The following CACNG2 variants were observed in gnomAD, a reference collection of about 807,000 sequenced individuals.
The protein encoded by CACNG2 is calcium voltage-gated channel auxiliary subunit gamma 2.
CACNG2 carries 3 observed loss-of-function variants against 25.9 expected under a neutral mutation model. That is an observed-to-expected ratio of 0.12 (90% CI 0.05 to 0.30). The LOEUF is 0.30. Ranked by LOEUF, CACNG2 falls within the 10% of genes least tolerant of loss-of-function variation. The pLI, the probability that CACNG2 is intolerant of heterozygous loss-of-function variation, is 1.00. For missense variants in CACNG2, 341 were observed against 432.5 expected (o/e 0.79, Z 1.88); for synonymous variants, 167 against 173.3 (o/e 0.96, Z 0.29).
chr22:36,679,187 TTC>T (rs1569049823), intron 1 of CACNG2, among the ~76,000 whole-genome samples: 63 of 95,892 alleles, frequency 6.6e-4, no homozygotes, highest in East Asian at 3.1e-3. Context: ...CCTTCCTTCC[TTC>T]CTTCCTTCCT....
intron 1 of CACNG2, among the ~76,000 whole-genome samples, chr22:36,595,969 A>G (rs956372734): frequency 3.3e-5 from 5 of 152,246 alleles, no homozygotes; most frequent in African/African-American, 1.2e-4. Context: ...AGGTTTCATC[A>G]GCTTTGTAAA....
chr22:36,600,955 A>G (rs1052956786), intron 1 of CACNG2, among the ~76,000 whole-genome samples: 1 of 152,194 alleles, frequency 6.6e-6, no homozygotes, highest in African/African-American at 2.4e-5. Flanking sequence ...AAAAACTAAC[A>G]CATCCATCAT....
intron 1 of CACNG2, among the ~76,000 whole-genome samples, chr22:36,595,584 C>T (rs1355989565): frequency 6.6e-6 from 1 of 152,082 alleles, no homozygotes; most frequent in Non-Finnish European, 1.5e-5. Flanking sequence ...AAGGACTGGT[C>T]CCATCAGAGG....
At chr22:36,613,922 G>A (rs776150292) in intron 1 of CACNG2, among the ~76,000 whole-genome samples, 4 of 151,748 alleles carry the variant, frequency 2.6e-5, no homozygotes, top group Non-Finnish European at 4.4e-5. Context: ...CCAGCAAATC[G>A]CCAATTCTTT....
chr22:36,632,788 CT>C (rs1290528945), intron 1 of CACNG2, among the ~76,000 whole-genome samples: 1 of 152,134 alleles, frequency 6.6e-6, no homozygotes, highest in African/African-American at 2.4e-5. Context: ...AGACCCCTAA[CT>C]GGTGGAGTGC....
rs1018310502 is a variant in CACNG2 at position 36,563,273 on chromosome 22, G to A, written c.*1078C>T. ...AATGAACCCCCTTCCCAGGGGACTG[G>A]GGGGCTTATGAGTCAGGGGGTCCAC... On this transcript the variant is annotated 3_prime_UTR_variant, in exon 4 of 4. Transcript: ENST00000300105. Among the ~76,000 whole-genome samples the A allele has an allele frequency of 6.6e-6, 1 of 152,104 alleles. No homozygotes were observed. The highest frequency in any genetic ancestry group is 2.1e-4 in the South Asian group (1 of 4,834).
chr22:36,632,723 C>T (rs914465524), intron 1 of CACNG2, among the ~76,000 whole-genome samples: 1 of 152,104 alleles, frequency 6.6e-6, no homozygotes, highest in African/African-American at 2.4e-5. Flanking sequence ...TGGTTCTCTT[C>T]CTACCTCACT....
At chr22:36,660,910 T>C (rs56992833) in intron 1 of CACNG2, among the ~76,000 whole-genome samples, 8,101 of 152,298 alleles carry the variant, frequency 0.053, 743 homozygotes, top group African/African-American at 0.18. Context: ...AGTTTCCTCA[T>C]GTGAAAAATG....
Position 36,667,289 on chromosome 22 carries a change from A to G in CACNG2, c.211+35077T>C, listed in dbSNP as rs532494123. On this transcript the variant is annotated intron_variant, in intron 1 of 3. Transcript: ENST00000300105. Reference sequence around the variant, plus strand: ...TTAAGACTCAGCTCCCACCTTGGAGAGAACTTTCCTCACCGTTGTCCACCC... The same window carrying G: ...TTAAGACTCAGCTCCCACCTTGGAGGGAACTTTCCTCACCGTTGTCCACCC... 4.6e-5 allele frequency among the ~76,000 whole-genome samples: 7 copies of G among 152,266 alleles called. No individual in the cohort carries two copies. In the East Asian group the frequency reaches 1.4e-3, roughly 29 times the overall value.
At chr22:36,645,560 A>C (rs1396474754) in intron 1 of CACNG2, among the ~76,000 whole-genome samples, 1 of 108,776 alleles carries the variant, frequency 9.2e-6, no homozygotes, top group Non-Finnish European at 1.9e-5. Flanking sequence ...AAAAAAAAAA[A>C]AAAAAAGAAA....
chr22:36,623,870 GAA>G (rs1936144355), intron 1 of CACNG2, among the ~76,000 whole-genome samples: 1 of 152,142 alleles, frequency 6.6e-6, no homozygotes, highest in East Asian at 1.9e-4. Context: ...CTGTCAGGAT[GAA>G]GAGACTGGGG....
At chr22:36,596,068 ACT>A (rs1229441319) in intron 1 of CACNG2, among the ~76,000 whole-genome samples, 1 of 152,146 alleles carries the variant, frequency 6.6e-6, no homozygotes, top group African/African-American at 2.4e-5. Context: ...GGCTGAACAG[ACT>A]CTGTTTTATT....
intron 1 of CACNG2, among the ~76,000 whole-genome samples, chr22:36,663,533 CAG>C (rs1161170074): frequency 2.0e-5 from 3 of 152,036 alleles, no homozygotes; most frequent in South Asian, 2.1e-4. Context: ...TAATAAATGA[CAG>C]AGAGAGAAGG....
chr22:36,692,833 T>TA (rs1284453770), intron 1 of CACNG2, among the ~76,000 whole-genome samples: 2 of 151,970 alleles, frequency 1.3e-5, no homozygotes, highest in East Asian at 3.9e-4. Flanking sequence ...ATGCATGTGC[T>TA]AAAAAAATAA....
chr22:36,682,419 T>C lies in CACNG2; in HGVS notation c.211+19947A>G, dbSNP rs569250244. Among the ~76,000 whole-genome samples the C allele has an allele frequency of 1.1e-4, 17 of 152,228 alleles. No homozygotes were observed. The South Asian group carries it at 3.1e-3, about 28-fold the overall frequency. On this transcript the variant is annotated intron_variant, in intron 1 of 3. Coordinates refer to ENST00000300105, the MANE Select transcript of CACNG2 (RefSeq NM_006078.5). The stretch of plus-strand genomic sequence containing the variant: ...AGGAGGGTGCTCAATAGGTAGTGTT[T>C]TTCTTCCCTTCCTTTCCTCTCCATC...
chr22:36,697,262 G>C (rs937200455), intron 1 of CACNG2, among the ~76,000 whole-genome samples: 21 of 152,220 alleles, frequency 1.4e-4, no homozygotes, highest in African/African-American at 4.8e-4. Flanking sequence ...AGCTAGGAGG[G>C]AGGGGTATGC....
chr22:36,702,339 G>T (rs765996670), intron 1 of CACNG2, 27 bp downstream of exon 1: 8 of 1,514,660 alleles, frequency 5.3e-6, no homozygotes, highest in African/African-American at 1.4e-5. Context: ...GGGGTGGAGA[G>T]GGGGGAGGAG....
At chr22:36,675,708 C>CA (rs1937011593) in intron 1 of CACNG2, among the ~76,000 whole-genome samples, 2 of 152,222 alleles carry the variant, frequency 1.3e-5, no homozygotes, top group African/African-American at 4.8e-5. Context: ...CTCCGTGCCT[C>CA]TCTCCTGCCT....
At chr22:36,598,496 T>G (rs1935708597) in intron 1 of CACNG2, among the ~76,000 whole-genome samples, 1 of 151,686 alleles carries the variant, frequency 6.6e-6, no homozygotes, top group Non-Finnish European at 1.5e-5. Flanking sequence ...CGGGGGCCTG[T>G]AATCCCAGCT....
Sources: gnomAD v4.1 joint callset for allele counts (sites outside exome capture counted in the v4.1 genomes callset) on GRCh38, gnomAD v4.1.1 for gene constraint, MANE v1.5 for transcripts, NCBI Gene and HGNC (gene_info 2026-07-23, HGNC 2026-07-21) for gene names.